The following PREX1 variants were observed in gnomAD, a reference collection of about 807,000 sequenced individuals.
The protein encoded by PREX1 is phosphatidylinositol-3,4,5-trisphosphate dependent Rac exchange factor 1.
A neutral mutation model predicts 198.3 loss-of-function variants in PREX1; 41 were observed. The ratio of observed to expected loss-of-function variants is 0.21; its 90% CI spans 0.16 to 0.27. PREX1 has a LOEUF of 0.27. Ranked by LOEUF, PREX1 falls within the 10% of genes least tolerant of loss-of-function variation. The pLI is 1.00. For synonymous variants in PREX1, 843 were observed against 887.2 expected (o/e 0.95, Z 0.89); for missense variants, 1,620 against 2,200.7 (o/e 0.74, Z 5.28).
chr20:48,797,702 C>T (rs77120386), intron 1 of PREX1, among the ~76,000 whole-genome samples: 15,745 of 152,268 alleles, frequency 0.1, 1,026 homozygotes, highest in Middle Eastern at 0.24. Context: ...CACAGTCTGG[C>T]AAAGCGAGCT....
At chr20:48,634,891 C>G in intron 32 of PREX1, 116 bp from the exon 33 acceptor site, 1 of 819,164 alleles carries the variant, frequency 1.2e-6, no homozygotes, top group South Asian at 1.5e-5. Context: ...CCCCTGGGTG[C>G]CAGGTCCTGA....
chr20:48,695,898 G>A (rs1292985848), intron 7 of PREX1, among the ~76,000 whole-genome samples: 2 of 152,214 alleles, frequency 1.3e-5, no homozygotes, highest in South Asian at 2.1e-4. Context: ...AGCTAAGACT[G>A]TATACAAACA....
At chr20:48,787,345 G>T (rs1387157511) in intron 1 of PREX1, among the ~76,000 whole-genome samples, 1 of 150,890 alleles carries the variant, frequency 6.6e-6, no homozygotes, top group Non-Finnish European at 1.5e-5. Flanking sequence ...TCTTTTCAAA[G>T]ACATCATAAA....
rs1246232205 is a variant in PREX1 at position 48,666,262 on chromosome 20, G to A, written c.1738+21C>T. The A allele has an allele frequency of 1.3e-6, 2 of 1,550,172 alleles. No individual in the cohort carries two copies. The highest frequency in any genetic ancestry group is 1.7e-6 in the Non-Finnish European group (2 of 1,146,430). ...CAGGGAGCAAGGTCCCGGGGGCTGG[G>A]CTGCAGGTGGGGGTGGTTACCGTGG... On this transcript the variant is annotated intron_variant, in intron 15 of 39. Coordinates refer to ENST00000371941, the MANE Select transcript of PREX1 (RefSeq NM_020820.4). The surrounding 1 kb of genome is among the most constrained non-coding windows in gnomAD (Gnocchi z 4.3).
At chr20:48,745,470 A>G (rs2090103515) in intron 2 of PREX1, among the ~76,000 whole-genome samples, 1 of 152,252 alleles carries the variant, frequency 6.6e-6, no homozygotes, top group South Asian at 2.1e-4. Context: ...CTCAGATAAA[A>G]TAATATTCCC....
chr20:48,640,368 C>A (rs192072623), intron 29 of PREX1, among the ~76,000 whole-genome samples: 8 of 152,322 alleles, frequency 5.3e-5, no homozygotes, highest in East Asian at 1.9e-4. Flanking sequence ...GCAGTGACAG[C>A]GCTGGGACTT....
Position 48,688,810 on chromosome 20 carries a change from C to G in PREX1, c.1187-6G>C, listed in dbSNP as rs756755104. The G allele has an allele frequency of 6.2e-7, 1 of 1,614,052 alleles. No homozygotes were observed. The highest frequency in any genetic ancestry group is 1.7e-5 in the Admixed American group (1 of 60,026). On this transcript the variant is annotated splice_region_variant and splice_polypyrimidine_tract_variant and intron_variant, in intron 9 of 39. Coordinates refer to ENST00000371941, the MANE Select transcript of PREX1 (RefSeq NM_020820.4). Reference sequence around the variant, plus strand: ...CTCCATGCCCAGCTTCAGGCCTACACAGGGGCACGGTCAGCACTGGAGAGA... The same window carrying G: ...CTCCATGCCCAGCTTCAGGCCTACAGAGGGGCACGGTCAGCACTGGAGAGA...
At chr20:48,744,189 C>T (rs1218672473) in intron 3 of PREX1, among the ~76,000 whole-genome samples, 1 of 152,150 alleles carries the variant, frequency 6.6e-6, no homozygotes, top group East Asian at 1.9e-4. Flanking sequence ...ACCAGTAGCA[C>T]TCTAGAGCTA....
intron 27 of PREX1, among the ~76,000 whole-genome samples, chr20:48,643,094 CG>C (rs2122867934): frequency 6.6e-6 from 1 of 152,284 alleles, no homozygotes; most frequent in Admixed American, 6.5e-5. Context: ...ATGCACCCTC[CG>C]GGGCCTTCTG....
At chr20:48,787,084 C>A (rs959388891) in intron 1 of PREX1, among the ~76,000 whole-genome samples, 3 of 151,918 alleles carry the variant, frequency 2.0e-5, no homozygotes, top group African/African-American at 7.2e-5. Flanking sequence ...CTAGAAACGT[C>A]CAGCAAAGGC....
the PREX1 span, among the ~76,000 whole-genome samples, chr20:48,872,605 G>A: frequency 1.3e-5 from 2 of 152,290 alleles, no homozygotes; most frequent in South Asian, 2.1e-4. Flanking sequence ...AATTAGCCGG[G>A]TATGGTGCCA....
At chr20:48,708,185 C>T (rs2089912609) in intron 6 of PREX1, 75 bp downstream of exon 6, 3 of 1,479,084 alleles carry the variant, frequency 2.0e-6, no homozygotes, top group East Asian at 4.6e-5. Flanking sequence ...GGTGCCCAGG[C>T]CTCAGTTCAT....
chr20:48,663,907 C>A (rs1043678032), intron 15 of PREX1, among the ~76,000 whole-genome samples: 3 of 146,850 alleles, frequency 2.0e-5, no homozygotes, highest in East Asian at 3.9e-4. Context: ...AGTGTGAGTG[C>A]GCGCACACAC....
chr20:48,721,390 G>C (rs1195289035), intron 5 of PREX1, among the ~76,000 whole-genome samples: 4 of 152,242 alleles, frequency 2.6e-5, no homozygotes. Context: ...GGCCAGGGAA[G>C]GCCTTGGGCA....
chr20:48,651,727 G>A, intron 21 of PREX1, 144 bp from the exon 22 acceptor site: 3 of 765,840 alleles, frequency 3.9e-6, no homozygotes, highest in Non-Finnish European at 6.1e-6. Context: ...CGCCAGAGTA[G>A]AGAGGCGAGT....
chr20:48,867,928 G>A, the PREX1 span, among the ~76,000 whole-genome samples: 2 of 149,416 alleles, frequency 1.3e-5, no homozygotes, highest in African/African-American at 5.0e-5. Context: ...AGGCTGGTCT[G>A]GAAGTCCTTG....
chr20:48,705,665 G>A (rs1481309221), intron 6 of PREX1, among the ~76,000 whole-genome samples: 1 of 152,154 alleles, frequency 6.6e-6, no homozygotes, highest in Non-Finnish European at 1.5e-5. Flanking sequence ...ACTATTAGAC[G>A]TCATTTTTTC....
intron 7 of PREX1, among the ~76,000 whole-genome samples, chr20:48,696,701 T>C (rs1192769025): frequency 6.6e-6 from 1 of 152,042 alleles, no homozygotes; most frequent in Non-Finnish European, 1.5e-5. Flanking sequence ...GGAATTGCAC[T>C]GAGGTTCTGG....
At chr20:48,658,941 T>C (rs2089567311) in intron 16 of PREX1, among the ~76,000 whole-genome samples, 1 of 151,522 alleles carries the variant, frequency 6.6e-6, no homozygotes, top group South Asian at 2.1e-4. Flanking sequence ...AGAAAAGAGA[T>C]CAGGAGGTCA....
Sources: allele counts gnomAD v4.1 joint callset (sites outside exome capture counted in the v4.1 genomes callset), GRCh38; gene constraint gnomAD v4.1.1; non-coding constraint Gnocchi (gnomAD v3.1); transcripts MANE v1.5; gene names NCBI Gene and HGNC (gene_info 2026-07-23, HGNC 2026-07-21).